KLHL15: variants seen among roughly 807,000 people sequenced by gnomAD.
KLHL15 encodes the protein kelch like family member 15.
KLHL15 carries 1 observed loss-of-function variant against 29.3 expected under a neutral mutation model. The observed-to-expected ratio is 0.03, with a 90% CI of 0.01 to 0.16. The LOEUF (loss-of-function observed/expected upper bound fraction) is 0.16. KLHL15 is among the 10% of genes least tolerant of loss of function. The pLI, the probability that KLHL15 is intolerant of heterozygous loss-of-function variation, is 1.00. For missense variants in KLHL15, 215 were observed against 478.5 expected, an observed-to-expected ratio of 0.45 and a Z score of 5.14; for synonymous variants, 212 against 184.5, an observed-to-expected ratio of 1.15 and a Z score of -1.21.
chrX:24,026,422 T>G (rs1263010673), intron 1 of KLHL15, among the ~76,000 whole-genome samples: 1 of 112,138 alleles, frequency 8.9e-6, no homozygotes, highest in African/African-American at 3.2e-5. Context: ...ATAGGACTGT[T>G]TTGTAAATTT....
chrX:24,001,425 A>G (rs1338446210), intron 3 of KLHL15, among the ~76,000 whole-genome samples: 1 of 111,712 alleles, frequency 9.0e-6, no homozygotes, highest in East Asian at 2.8e-4. Flanking sequence ...AAATATTAAA[A>G]TGTCACTGTA....
intron 3 of KLHL15, among the ~76,000 whole-genome samples, chrX:23,999,370 C>T (rs904576247): frequency 1.0e-4 from 11 of 107,839 alleles, no homozygotes; most frequent in Non-Finnish European, 2.1e-4. Context: ...CCGAGGCAGA[C>T]GGATCACGAG....
rs1348171933 is a variant in KLHL15, at chrX:23,984,610, A to G, written c.*3311T>C. 2.7e-5 allele frequency: 3 copies of G among 112,542 alleles called. No homozygotes were observed. The highest frequency in any genetic ancestry group is 5.6e-5 in the Non-Finnish European group (3 of 53,255). The allele number at this position is 112,542 out of a possible 1,213,427, so 9.3% of individuals were successfully genotyped here. On this transcript the variant is annotated 3_prime_UTR_variant, in exon 4 of 4. Transcript: ENST00000328046. The stretch of plus-strand genomic sequence containing the variant: ...CTCTGAGAGATAGCTTATAAACTGA[A>G]ATAACAATTTATATTATAAACTGAA...
intron 2 of KLHL15, among the ~76,000 whole-genome samples, chrX:24,007,028 A>C (rs1336554426): frequency 9.1e-6 from 1 of 109,534 alleles, no homozygotes; most frequent in East Asian, 2.9e-4. Context: ...ACAAAATAAT[A>C]ACAATAAAAA....
chrX:24,021,857 C>T (rs1168768211), intron 2 of KLHL15, among the ~76,000 whole-genome samples: 1 of 110,743 alleles, frequency 9.0e-6, no homozygotes, highest in East Asian at 2.8e-4. Flanking sequence ...TGAGCTATAG[C>T]ACTCCAATTC....
At chrX:23,989,499 G>T (rs779201711) in intron 3 of KLHL15, among the ~76,000 whole-genome samples, 27 of 111,309 alleles carry the variant, frequency 2.4e-4, no homozygotes, top group Non-Finnish European at 4.0e-4. Context: ...AATTTATAAT[G>T]ATCTATGTAC....
chrX:24,018,766 T>C (rs1317949147), intron 2 of KLHL15, among the ~76,000 whole-genome samples: 1 of 110,562 alleles, frequency 9.0e-6, no homozygotes, highest in Non-Finnish European at 1.9e-5. Flanking sequence ...CCTTGGGAGG[T>C]AGAGGTGGGC....
At position 24,015,100 on chromosome X, in the gene KLHL15, C is replaced by T. The variant is rs60749129; in HGVS notation, c.-7-8400G>A. Among the ~76,000 whole-genome samples the T allele has an allele frequency of 3.9e-3, 434 of 112,139 alleles. 2 individuals are homozygous for T. Among genetic ancestry groups the T allele is most frequent in the African/African-American group, 0.013 (403 of 30,912 alleles). ...GAACCTTACATTCTTAGAATAAATT[C>T]TTCCTCTTTACTACCTTAGGTTGAT... On this transcript the variant is annotated intron_variant, in intron 2 of 3. Coordinates refer to ENST00000328046, the MANE Select transcript of KLHL15 (RefSeq NM_030624.3).
intron 2 of KLHL15, among the ~76,000 whole-genome samples, chrX:24,022,107 G>C: frequency 9.1e-6 from 1 of 110,450 alleles, no homozygotes; most frequent in Non-Finnish European, 1.9e-5. Context: ...GGGAGACCGA[G>C]GCGGGCGGAT....
chrX:24,003,497 G>C, intron 3 of KLHL15, among the ~76,000 whole-genome samples: 1 of 106,042 alleles, frequency 9.4e-6, no homozygotes, highest in Middle Eastern at 4.9e-3. Context: ...AGCTTGCAGT[G>C]AGCCTAGATC....
At chrX:24,001,133 T>A (rs924289654) in intron 3 of KLHL15, among the ~76,000 whole-genome samples, 1 of 111,962 alleles carries the variant, frequency 8.9e-6, no homozygotes, top group Non-Finnish European at 1.9e-5. Context: ...ATATTTGGAA[T>A]AAGCATGATG....
At chrX:24,002,381 G>A (rs764671536) in intron 3 of KLHL15, among the ~76,000 whole-genome samples, 1 of 111,390 alleles carries the variant, frequency 9.0e-6, no homozygotes, top group East Asian at 2.8e-4. Flanking sequence ...ACAGACATTT[G>A]CATAAGTAAA....
rs1928940802 is a variant in KLHL15, at chrX:23,983,833, C to T, written c.*4088G>A. ...AACATGTTTGAATAGATTATATCCA[C>T]GGCTTGGGAAAAATTACCTGACAAA... On this transcript the variant is annotated 3_prime_UTR_variant, in exon 4 of 4. Transcript: ENST00000328046. The T allele has an allele frequency of 1.8e-5, 2 of 111,486 alleles. No individual in the cohort carries two copies. The highest frequency in any genetic ancestry group is 6.5e-5 in the African/African-American group (2 of 30,687). 9.2% of individuals were successfully genotyped at this position (111,486 alleles called of 1,213,427 possible). A position where few individuals can be genotyped will look rare whatever the true frequency, so the allele number is the denominator to read the frequency against.
At chrX:23,993,264 T>C (rs1279284386) in intron 3 of KLHL15, among the ~76,000 whole-genome samples, 3 of 111,624 alleles carry the variant, frequency 2.7e-5, no homozygotes, top group African/African-American at 9.8e-5. Context: ...GGAATTGCGA[T>C]GAATGGGACA....
chrX:23,999,552 G>A (rs1039809520), intron 3 of KLHL15, among the ~76,000 whole-genome samples: 17 of 98,796 alleles, frequency 1.7e-4, no homozygotes, highest in African/African-American at 6.9e-4. Flanking sequence ...CCGAGATAGC[G>A]CCACTGCAGT....
chrX:24,013,077 G>C (rs1057481927), intron 2 of KLHL15, among the ~76,000 whole-genome samples: 1 of 111,234 alleles, frequency 9.0e-6, no homozygotes, highest in Non-Finnish European at 1.9e-5. Flanking sequence ...TAAGCTACAA[G>C]TTTGGTCTTG....
chrX:24,006,281 C>G lies in KLHL15; in HGVS notation c.413G>C (p.Arg138Thr). Residue 138 changes from arginine to threonine, a missense_variant, in exon 3 of 4, where the codon AGA becomes ACA. By Grantham distance (71) the Arg-to-Thr change is moderately conservative. Coordinates refer to ENST00000328046, the MANE Select transcript of KLHL15 (RefSeq NM_030624.3). The part of the protein sequence containing the change: ...ICLENCAEIM[R>T]LLDDFGVNIE... Reference sequence around the variant, plus strand: ...GTTTACGCCGAAATCATCTAAGAGTCTCATAATTTCTGCACAATTTTCTAG... The same window carrying G: ...GTTTACGCCGAAATCATCTAAGAGTGTCATAATTTCTGCACAATTTTCTAG... The G allele has an allele frequency of 8.3e-7, 1 of 1,211,609 alleles. No homozygotes were observed. The highest frequency in any genetic ancestry group is 1.1e-6 in the Non-Finnish European group (1 of 895,525).
intron 3 of KLHL15, among the ~76,000 whole-genome samples, chrX:23,996,860 C>A (rs1929200865): frequency 8.9e-6 from 1 of 111,906 alleles, no homozygotes; most frequent in Non-Finnish European, 1.9e-5. Context: ...ACAAAAAAAG[C>A]TAGGTGCAAT....
At chrX:24,013,426 C>A (rs1929613162) in intron 2 of KLHL15, among the ~76,000 whole-genome samples, 1 of 110,388 alleles carries the variant, frequency 9.1e-6, no homozygotes, top group African/African-American at 3.3e-5. Flanking sequence ...CCAGACTCGG[C>A]TAATTTTTTT....
Sources: gnomAD v4.1 joint callset for allele counts (sites outside exome capture counted in the v4.1 genomes callset) on GRCh38, gnomAD v4.1.1 for gene constraint, MANE v1.5 for transcripts, NCBI Gene and HGNC (gene_info 2026-07-23, HGNC 2026-07-21) for gene names.